The following LIPA variants were observed in gnomAD, a reference collection of about 807,000 sequenced individuals.
LIPA encodes the protein lipase A, lysosomal acid type.
LIPA carries 26 observed loss-of-function variants against 40.6 expected under a neutral mutation model. The observed-to-expected ratio is 0.64, with a 90% confidence interval of 0.47 to 0.89. The LOEUF is 0.89. Ranked by LOEUF, LIPA falls within the 40% of genes least tolerant of loss-of-function variation. The pLI, the probability that LIPA is intolerant of heterozygous loss-of-function variation, is 0.00. For missense variants in LIPA, 455 were observed against 479.6 expected, an observed-to-expected ratio of 0.95 and a Z score of 0.48; for synonymous variants, 188 against 168.4, an observed-to-expected ratio of 1.12 and a Z score of -0.90.
chr10:89,377,930 C>T, intron 2 of LIPA: 1 of 533,358 alleles, frequency 1.9e-6, no homozygotes, highest in Non-Finnish European at 3.4e-6. Context: ...TATTTGTAAT[C>T]AAAGCAGAGA....
At chr10:89,306,673 C>T in intron 1 of LIPA, 7 of 1,614,080 alleles carry the variant, frequency 4.3e-6, no homozygotes, top group Non-Finnish European at 5.9e-6. Flanking sequence ...TTGAAGAAGC[C>T]TTGGAGAAAG....
At chr10:89,279,657 T>C (rs978759997) in intron 1 of LIPA, among the ~76,000 whole-genome samples, 5 of 152,162 alleles carry the variant, frequency 3.3e-5, no homozygotes, top group Non-Finnish European at 5.9e-5. Context: ...TAGGAAAATA[T>C]AAACCCACAA....
intron 3 of LIPA, among the ~76,000 whole-genome samples, chr10:89,233,400 G>A (rs1842865441): frequency 6.6e-6 from 1 of 152,212 alleles, no homozygotes; most frequent in Non-Finnish European, 1.5e-5. Flanking sequence ...TTAGAGAATG[G>A]AGGCCACTCA....
At chr10:89,329,883 T>C (rs1564787471) in intron 1 of LIPA, among the ~76,000 whole-genome samples, 2 of 151,730 alleles carry the variant, frequency 1.3e-5, no homozygotes, top group African/African-American at 4.8e-5. Context: ...GGAAGGGAGA[T>C]AGGGGTGGGG....
chr10:89,252,032 A>G (rs1160733695), upstream of LIPA: 1 of 152,304 alleles, frequency 6.6e-6, no homozygotes, highest in Non-Finnish European at 1.5e-5. Context: ...TGGCAGGTCC[A>G]CAGCTCTACC....
chr10:89,319,351 T>C (rs1014234903), intron 1 of LIPA, among the ~76,000 whole-genome samples: 1 of 152,048 alleles, frequency 6.6e-6, no homozygotes, highest in South Asian at 2.1e-4. Flanking sequence ...AAGAATCAAA[T>C]AGATGCAATT....
At chr10:89,280,669 T>C (rs760335802) in intron 1 of LIPA, among the ~76,000 whole-genome samples, 5 of 152,254 alleles carry the variant, frequency 3.3e-5, no homozygotes, top group Non-Finnish European at 5.9e-5. Context: ...CCCATATTTA[T>C]GTGTCGGTTG....
At chr10:89,315,988 T>C (rs79645462) in intron 1 of LIPA, among the ~76,000 whole-genome samples, 5,967 of 152,292 alleles carry the variant, frequency 0.039, 385 homozygotes, top group African/African-American at 0.13. Flanking sequence ...ATATGTATAC[T>C]AAAACTACTA....
At chr10:89,411,075 C>A (rs1338525865) in intron 2 of LIPA, among the ~76,000 whole-genome samples, 1 of 152,240 alleles carries the variant, frequency 6.6e-6, no homozygotes, top group Non-Finnish European at 1.5e-5. Flanking sequence ...CTATAACACT[C>A]CAATACCACC....
At chr10:89,312,124 A>T (rs1050329885) in intron 1 of LIPA, among the ~76,000 whole-genome samples, 14 of 152,244 alleles carry the variant, frequency 9.2e-5, no homozygotes, top group East Asian at 3.9e-4. Flanking sequence ...CATGCCTACC[A>T]GGTTATTTAT....
At chr10:89,293,529 TCA>T (rs971938579) in intron 1 of LIPA, 4 of 152,242 alleles carry the variant, frequency 2.6e-5, no homozygotes, top group Non-Finnish European at 4.4e-5. Context: ...TAATGAAAAA[TCA>T]CAGACTAGGT....
chr10:89,294,459 G>C (rs1319692324), intron 1 of LIPA, among the ~76,000 whole-genome samples: 1 of 152,178 alleles, frequency 6.6e-6, no homozygotes, highest in Non-Finnish European at 1.5e-5. Context: ...GGGTGAGCAA[G>C]AGAAGGTTGA....
intron 3 of LIPA, 127 bp downstream of exon 3, chr10:89,245,549 C>T: frequency 1.3e-6 from 1 of 740,786 alleles, no homozygotes; most frequent in South Asian, 1.4e-5. Context: ...CCTTGCAAAC[C>T]TCAACACAGT....
intron 2 of LIPA, among the ~76,000 whole-genome samples, chr10:89,386,972 TGAGA>T (rs59096550): frequency 0.027 from 2,660 of 99,318 alleles, 40 homozygotes; most frequent in African/African-American, 0.05. Flanking sequence ...TGTGTGTGTG[TGAGA>T]GAGAGAGAGA....
chr10:89,400,485 G>A (rs1844406800), intron 2 of LIPA, among the ~76,000 whole-genome samples: 1 of 152,038 alleles, frequency 6.6e-6, no homozygotes, highest in Non-Finnish European at 1.5e-5. Flanking sequence ...CAAGTCTTTT[G>A]CCTCCTAGGT....
At chr10:89,230,020 T>C (rs1842821624) in intron 3 of LIPA, among the ~76,000 whole-genome samples, 1 of 152,160 alleles carries the variant, frequency 6.6e-6, no homozygotes, top group African/African-American at 2.4e-5. Context: ...AATTCATAAA[T>C]ATATGTGTCT....
At chr10:89,267,454 T>C (rs889070536) in intron 1 of LIPA, among the ~76,000 whole-genome samples, 7 of 151,860 alleles carry the variant, frequency 4.6e-5, no homozygotes, top group Non-Finnish European at 1.0e-4. Flanking sequence ...TTGGAAACCA[T>C]CATTCTCAGT....
chr10:89,377,770 T>C (rs532375913), intron 2 of LIPA, among the ~76,000 whole-genome samples: 45 of 152,338 alleles, frequency 3.0e-4, no homozygotes, highest in African/African-American at 1.0e-3. Flanking sequence ...TATACGTTCC[T>C]GTCTGCCACT....
At chr10:89,244,550 C>T (rs1827799503) in intron 3 of LIPA, among the ~76,000 whole-genome samples, 1 of 152,028 alleles carries the variant, frequency 6.6e-6, no homozygotes, top group South Asian at 2.1e-4. Context: ...CCATTGCATT[C>T]CAGCCTGGGC....
Sources: gnomAD v4.1 joint callset for allele counts (sites outside exome capture counted in the v4.1 genomes callset) on GRCh38, gnomAD v4.1.1 for gene constraint, MANE v1.5 for transcripts, NCBI Gene and HGNC (gene_info 2026-07-23, HGNC 2026-07-21) for gene names.